C12orf42: variants seen among roughly 807,000 people sequenced by gnomAD.
C12orf42 encodes the protein uncharacterized protein C12orf42.
Under a neutral mutation model 21.6 loss-of-function variants are expected in C12orf42, and 25 were observed. The observed-to-expected ratio is 1.16, with a 90% confidence interval of 0.84 to 1.62. The LOEUF (loss-of-function observed/expected upper bound fraction) is 1.62. Ranked by LOEUF, C12orf42 falls within the 40% of genes most tolerant of loss-of-function variation. The probability of loss-of-function intolerance (pLI) is 0.00; values close to 1 mark genes in which losing one functional copy is unlikely to be tolerated. For synonymous variants in C12orf42, 174 were observed against 175.0 expected, an observed-to-expected ratio of 0.99 and a Z score of 0.05; for missense variants, 483 against 459.3, an observed-to-expected ratio of 1.05 and a Z score of -0.47.
At chr12:103,345,372 G>A (rs553733536) in intron 4 of C12orf42, among the ~76,000 whole-genome samples, 1 of 152,306 alleles carries the variant, frequency 6.6e-6, no homozygotes, top group African/African-American at 2.4e-5. Context: ...AGTGCCTGGT[G>A]TATCATAAGG....
chr12:103,048,146 C>T, the C12orf42 span, among the ~76,000 whole-genome samples: 79 of 149,918 alleles, frequency 5.3e-4, no homozygotes, highest in African/African-American at 1.6e-3. Flanking sequence ...GCCTTGTAAA[C>T]GGAGATGAGG....
chr12:103,149,129 A>C, the C12orf42 span, among the ~76,000 whole-genome samples: 2 of 152,168 alleles, frequency 1.3e-5, no homozygotes, highest in African/African-American at 4.8e-5. Flanking sequence ...CAATGGAAGC[A>C]AAACCATTTT....
intron 3 of C12orf42, among the ~76,000 whole-genome samples, chr12:103,374,093 G>A (rs75765333): frequency 0.14 from 21,802 of 152,098 alleles, 1,897 homozygotes; most frequent in South Asian, 0.28. Context: ...CAAATGATGT[G>A]TGTGTAAGCC....
chr12:103,448,361 A>C (rs946551582), intron 2 of C12orf42, among the ~76,000 whole-genome samples: 1 of 152,116 alleles, frequency 6.6e-6, no homozygotes, highest in African/African-American at 2.4e-5. Context: ...CATTGGAAAA[A>C]TCCTTCTAGA....
chr12:103,496,346 G>A (rs1593039064), upstream of C12orf42, among the ~76,000 whole-genome samples: 1 of 152,130 alleles, frequency 6.6e-6, no homozygotes, highest in South Asian at 2.1e-4. Flanking sequence ...GTGCATCCAG[G>A]AATAATGCAG....
At chr12:103,543,965 C>T in the C12orf42 span, among the ~76,000 whole-genome samples, 2 of 150,972 alleles carry the variant, frequency 1.3e-5, no homozygotes, top group Admixed American at 1.3e-4. Flanking sequence ...GCGATCTCAG[C>T]TCACTGCAAG....
intron 4 of C12orf42, among the ~76,000 whole-genome samples, chr12:103,361,939 A>G (rs2044152931): frequency 6.6e-6 from 1 of 152,098 alleles, no homozygotes; most frequent in South Asian, 2.1e-4. Context: ...GCTGAAGACA[A>G]AAAGCATATT....
intron 3 of C12orf42, among the ~76,000 whole-genome samples, chr12:103,370,545 A>C (rs1338478484): frequency 6.6e-6 from 1 of 152,166 alleles, no homozygotes; most frequent in Non-Finnish European, 1.5e-5. Flanking sequence ...AATACTATGC[A>C]GCCATAAAAA....
chr12:103,367,907 C>G (rs934978310), intron 4 of C12orf42: 1 of 398,680 alleles, frequency 2.5e-6, no homozygotes, highest in Middle Eastern at 9.5e-4. Flanking sequence ...TTCAATGGCC[C>G]TGATATGAAT....
chr12:103,171,793 C>T, the C12orf42 span, among the ~76,000 whole-genome samples: 1 of 152,138 alleles, frequency 6.6e-6, no homozygotes, highest in East Asian at 1.9e-4. Flanking sequence ...CAAGTCTTCT[C>T]CCTCTTCTCT....
chr12:103,053,604 G>A, the C12orf42 span, among the ~76,000 whole-genome samples: 1 of 151,884 alleles, frequency 6.6e-6, no homozygotes, highest in African/African-American at 2.4e-5. Context: ...TAGCTTTGAT[G>A]TGGTCTGAAT....
At chr12:103,403,375 CAAA>C (rs11313657) in intron 2 of C12orf42, among the ~76,000 whole-genome samples, 8 of 89,196 alleles carry the variant, frequency 9.0e-5, no homozygotes, top group Admixed American at 2.6e-4. Flanking sequence ...GACTCCGTCT[CAAA>C]AAAAAAAAAA....
At chr12:103,303,035 G>C (rs1396020850) in intron 5 of C12orf42, among the ~76,000 whole-genome samples, 2 of 152,088 alleles carry the variant, frequency 1.3e-5, no homozygotes, top group Non-Finnish European at 2.9e-5. Flanking sequence ...AAATACAGGA[G>C]GCTGTTATTT....
At chr12:103,455,189 G>C (rs1203113760) in intron 2 of C12orf42, among the ~76,000 whole-genome samples, 1 of 152,138 alleles carries the variant, frequency 6.6e-6, no homozygotes, top group Non-Finnish European at 1.5e-5. Flanking sequence ...GCTATATAGA[G>C]AGTCAATGTA....
At chr12:103,323,467 TAC>T (rs895284543) in intron 4 of C12orf42, among the ~76,000 whole-genome samples, 1 of 151,620 alleles carries the variant, frequency 6.6e-6, no homozygotes, top group Admixed American at 6.6e-5. Flanking sequence ...AAGCCAAACA[TAC>T]AGTCAATTCA....
In C12orf42 at chr12:103,383,741, T is replaced by C. The variant is rs1195123737; in HGVS notation, c.148-14743A>G. 5.9e-5 allele frequency among the ~76,000 whole-genome samples: 9 copies of C among 152,256 alleles called. No individual in the cohort carries two copies. In the East Asian group the frequency reaches 1.7e-3, roughly 29 times the overall value. Reference sequence around the variant, plus strand: ...AGCCTGCATTACAGAAGTTCGCCTATACTTAACCACTCTTGAATTCAACTT... The same window carrying C: ...AGCCTGCATTACAGAAGTTCGCCTACACTTAACCACTCTTGAATTCAACTT... On this transcript the variant is annotated intron_variant, in intron 3 of 5. Transcript: ENST00000548883.
At chr12:103,395,610 C>T (rs1461565442) in intron 3 of C12orf42, among the ~76,000 whole-genome samples, 1 of 152,184 alleles carries the variant, frequency 6.6e-6, no homozygotes, top group Non-Finnish European at 1.5e-5. Flanking sequence ...GCTGGGATTA[C>T]AGGCGTGAGC....
chr12:103,255,432 C>A (rs1050110859), intron 10 of C12orf42, among the ~76,000 whole-genome samples: 3 of 151,966 alleles, frequency 2.0e-5, no homozygotes, highest in African/African-American at 7.3e-5. Context: ...AAATGAATGG[C>A]GTGTTAAAAT....
At chr12:103,315,505 A>C (rs1409197936) in intron 4 of C12orf42, among the ~76,000 whole-genome samples, 1 of 152,232 alleles carries the variant, frequency 6.6e-6, no homozygotes, top group Non-Finnish European at 1.5e-5. Context: ...GGTCAATACG[A>C]ACTTCCCAAA....
Sources: gnomAD v4.1 joint callset for allele counts (sites outside exome capture counted in the v4.1 genomes callset) on GRCh38, gnomAD v4.1.1 for gene constraint, MANE v1.5 for transcripts, NCBI Gene and HGNC (gene_info 2026-07-23, HGNC 2026-07-21) for gene names.